CNBD1: variants seen among roughly 807,000 people sequenced by gnomAD.
CNBD1 encodes the protein cyclic nucleotide binding domain containing 1.
CNBD1 carries 71 observed loss-of-function variants against 54.4 expected under a neutral mutation model. The ratio of observed to expected loss-of-function variants is 1.30; its 90% CI spans 1.08 to 1.59. The LOEUF (loss-of-function observed/expected upper bound fraction) is 1.59. Ranked by LOEUF, CNBD1 falls within the 40% of genes most tolerant of loss-of-function variation. The probability of loss-of-function intolerance (pLI) is 0.00; values close to 1 mark genes in which losing one functional copy is unlikely to be tolerated. For missense variants in CNBD1, 659 were observed against 518.0 expected (o/e 1.27, Z -2.64); for synonymous variants, 182 against 170.7 (o/e 1.07, Z -0.51).
intron 5 of CNBD1, among the ~76,000 whole-genome samples, chr8:87,211,876 T>C (rs1814107050): frequency 6.6e-6 from 1 of 152,170 alleles, no homozygotes; most frequent in Non-Finnish European, 1.5e-5. Flanking sequence ...TTAGATATAA[T>C]GAACAAGTTC....
At chr8:86,930,208 C>A (rs912846543) in intron 3 of CNBD1, among the ~76,000 whole-genome samples, 1 of 152,204 alleles carries the variant, frequency 6.6e-6, no homozygotes, top group African/African-American at 2.4e-5. Flanking sequence ...CAAGGACAAG[C>A]CAGTATAGGC....
intron 2 of CNBD1, among the ~76,000 whole-genome samples, chr8:87,417,519 G>C (rs1187138355): frequency 1.3e-5 from 2 of 151,942 alleles, no homozygotes; most frequent in African/African-American, 4.8e-5. Flanking sequence ...TGGAAGAAAA[G>C]ATATCCAGAT....
intron 6 of CNBD1, among the ~76,000 whole-genome samples, chr8:87,283,826 A>G (rs2130869151): frequency 6.6e-6 from 1 of 152,086 alleles, no homozygotes; most frequent in South Asian, 2.1e-4. Context: ...AAGCCTCAGA[A>G]CTCAGTTCTT....
chr8:87,073,890 A>G lies in CNBD1; in HGVS notation c.432-132103A>G, dbSNP rs188423940. On this transcript the variant is annotated intron_variant, in intron 4 of 10. Coordinates refer to ENST00000518476, the MANE Select transcript of CNBD1 (RefSeq NM_173538.3). ...GCTGAGGTGGGCAGATCACGAGGTC[A>G]GGAGATTGAGACCATCCTGGTTAAC... 6.6e-5 allele frequency among the ~76,000 whole-genome samples: 10 copies of G among 152,218 alleles called. 1 individual carries two copies. The highest frequency in any genetic ancestry group is 2.4e-4 in the African/African-American group (10 of 41,532).
intron 4 of CNBD1, among the ~76,000 whole-genome samples, chr8:87,074,610 G>A (rs184828901): frequency 9.3e-4 from 141 of 152,236 alleles, no homozygotes; most frequent in Non-Finnish European, 1.2e-3. Flanking sequence ...TGCAAAGATC[G>A]GTGAGAGAAG....
intron 8 of CNBD1, among the ~76,000 whole-genome samples, chr8:87,329,531 G>A (rs1344133803): frequency 6.6e-6 from 1 of 152,020 alleles, no homozygotes; most frequent in Non-Finnish European, 1.5e-5. Flanking sequence ...TTGCATTCAT[G>A]AAATATAATA....
At chr8:87,311,537 T>C (rs1027407045) in intron 8 of CNBD1, among the ~76,000 whole-genome samples, 3 of 152,224 alleles carry the variant, frequency 2.0e-5, no homozygotes, top group East Asian at 1.9e-4. Flanking sequence ...GAAAGCAGTG[T>C]GCAGAATTTT....
At chr8:86,894,356 C>T (rs373582081) in intron 2 of CNBD1, among the ~76,000 whole-genome samples, 2 of 151,982 alleles carry the variant, frequency 1.3e-5, no homozygotes, top group Non-Finnish European at 2.9e-5. Flanking sequence ...CCACCGCGCC[C>T]GGCCAATAGA....
intron 6 of CNBD1, among the ~76,000 whole-genome samples, chr8:87,268,825 C>A (rs1010413967): frequency 3.3e-5 from 5 of 152,002 alleles, no homozygotes; most frequent in African/African-American, 1.2e-4. Context: ...GATATTAGAT[C>A]TTTGTCATAT....
chr8:87,309,286 A>G (rs1239167070), intron 8 of CNBD1, among the ~76,000 whole-genome samples: 3 of 152,136 alleles, frequency 2.0e-5, no homozygotes, highest in African/African-American at 7.2e-5. Context: ...AACTAGGATA[A>G]TATAATCGGT....
chr8:86,917,608 G>C (rs1809207540), intron 3 of CNBD1, among the ~76,000 whole-genome samples: 1 of 152,166 alleles, frequency 6.6e-6, no homozygotes, highest in Non-Finnish European at 1.5e-5. Context: ...AAGCTGCTGA[G>C]TCAGGAATCT....
chr8:87,261,568 C>T (rs1042561685), intron 6 of CNBD1, among the ~76,000 whole-genome samples: 12 of 148,800 alleles, frequency 8.1e-5, no homozygotes, highest in Non-Finnish European at 1.2e-4. Flanking sequence ...ATACATAAAT[C>T]GGCAGTGAGG....
rs181143729 is a variant in CNBD1, at chr8:87,251,575, C to T, written c.771+14463C>T. On this transcript the variant is annotated intron_variant, in intron 6 of 10. Transcript: ENST00000518476. Reference sequence around the variant, plus strand: ...TGCACTCCAGCCTGTACAACAAGAGCGAAACTCTGTCTCAAAAAAGAAAAA... The same window carrying T: ...TGCACTCCAGCCTGTACAACAAGAGTGAAACTCTGTCTCAAAAAAGAAAAA... Among the ~76,000 whole-genome samples the T allele has an allele frequency of 8.9e-3, 1,194 of 134,212 alleles. 22 individuals carry two copies. Among genetic ancestry groups the T allele is most frequent in the African/African-American group, 0.031 (1,054 of 34,520 alleles). The allele number at this position is 134,212 out of a possible 152,430, so 88.0% of individuals were successfully genotyped here.
At chr8:87,285,046 T>A (rs1276521799) in intron 7 of CNBD1, among the ~76,000 whole-genome samples, 1 of 152,122 alleles carries the variant, frequency 6.6e-6, no homozygotes, top group Non-Finnish European at 1.5e-5. Context: ...TAAATACCCT[T>A]TGGCTTTTCA....
chr8:87,377,146 G>A (rs1409441486), intron 10 of CNBD1, among the ~76,000 whole-genome samples: 4 of 133,838 alleles, frequency 3.0e-5, no homozygotes, highest in Non-Finnish European at 6.5e-5. Context: ...ATTTTTTTAT[G>A]ATTATTATTT....
intron 5 of CNBD1, among the ~76,000 whole-genome samples, chr8:87,235,564 A>G (rs1442451327): frequency 1.3e-5 from 2 of 152,148 alleles, no homozygotes; most frequent in Non-Finnish European, 2.9e-5. Flanking sequence ...CCAAACACAC[A>G]CAACATTTAC....
chr8:86,958,520 G>T (rs566640280), intron 4 of CNBD1, among the ~76,000 whole-genome samples: 2 of 152,208 alleles, frequency 1.3e-5, no homozygotes, highest in South Asian at 4.1e-4. Flanking sequence ...TCCTGTATTG[G>T]GTGCATATAT....
At chr8:87,379,358 A>G (rs889019256) in intron 10 of CNBD1, among the ~76,000 whole-genome samples, 2 of 151,806 alleles carry the variant, frequency 1.3e-5, no homozygotes, top group African/African-American at 4.8e-5. Context: ...CAGGAATTGA[A>G]CTCAGCTCTG....
chr8:87,123,399 C>T (rs1244133859), intron 4 of CNBD1, among the ~76,000 whole-genome samples: 3 of 151,516 alleles, frequency 2.0e-5, no homozygotes, highest in South Asian at 2.1e-4. Flanking sequence ...AAATTAAACA[C>T]GATGCTCCTA....
Sources: allele counts gnomAD v4.1 joint callset (sites outside exome capture counted in the v4.1 genomes callset), GRCh38; gene constraint gnomAD v4.1.1; transcripts MANE v1.5; gene names NCBI Gene and HGNC (gene_info 2026-07-23, HGNC 2026-07-21).